Variants in DNAH14 observed in about 807,000 individuals in gnomAD.
The protein encoded by DNAH14 is dynein axonemal heavy chain 14, also known as axonemal beta dynein heavy chain 14.
A neutral mutation model predicts 520.9 loss-of-function variants in DNAH14; 478 were observed. That is an observed-to-expected ratio of 0.92 (90% CI 0.85 to 0.99). DNAH14 has a LOEUF of 0.99. Among genes scored for constraint, DNAH14 ranks in the 50% least tolerant of loss-of-function variants. The pLI is 0.00. For missense variants in DNAH14, 4,831 were observed against 5,234.5 expected, an observed-to-expected ratio of 0.92 and a Z score of 2.38; for synonymous variants, 1,581 against 1,757.2, an observed-to-expected ratio of 0.90 and a Z score of 2.51.
intron 23 of DNAH14, among the ~76,000 whole-genome samples, chr1:225,105,170 T>C (rs1355271154): frequency 6.6e-6 from 1 of 152,246 alleles, no homozygotes; most frequent in Non-Finnish European, 1.5e-5. Context: ...GAGCAGGTTG[T>C]TCCTTTTCCA....
At chr1:224,967,791 T>G in intron 6 of DNAH14, 1 of 1,424,682 alleles carries the variant, frequency 7.0e-7, no homozygotes, top group Non-Finnish European at 9.2e-7. Context: ...AAGATTCAAC[T>G]TTAATAAATT....
At chr1:225,273,418 G>A (rs753523263) in intron 52 of DNAH14, among the ~76,000 whole-genome samples, 7 of 152,252 alleles carry the variant, frequency 4.6e-5, no homozygotes, top group African/African-American at 9.6e-5. Flanking sequence ...CAGCCTGGGC[G>A]ACAGAGCGAG....
chr1:224,975,829 T>C (rs1414869906), intron 8 of DNAH14, among the ~76,000 whole-genome samples: 1 of 151,860 alleles, frequency 6.6e-6, no homozygotes, highest in Non-Finnish European at 1.5e-5. Flanking sequence ...AGGGTGTCAA[T>C]TTTGGATCTT....
chr1:225,008,305 T>G (rs1256133372), intron 10 of DNAH14, among the ~76,000 whole-genome samples: 1 of 152,216 alleles, frequency 6.6e-6, no homozygotes, highest in Non-Finnish European at 1.5e-5. Flanking sequence ...GTGCCACATT[T>G]TCTTTATCCA....
chr1:225,346,694 T>C, intron 71 of DNAH14, 40 bp downstream of exon 71: 1 of 1,459,888 alleles, frequency 6.8e-7, no homozygotes, highest in East Asian at 2.5e-5. Context: ...TAAAAGTCCA[T>C]TAAAAGTGTG....
intron 55 of DNAH14, among the ~76,000 whole-genome samples, chr1:225,290,631 A>G (rs1368042351): frequency 2.8e-5 from 2 of 71,704 alleles, no homozygotes; most frequent in African/African-American, 6.9e-5. Flanking sequence ...GTATAGATAT[A>G]TGTGTGTGTG....
intron 8 of DNAH14, among the ~76,000 whole-genome samples, chr1:224,976,058 A>G (rs912683111): frequency 5.3e-5 from 8 of 151,632 alleles, no homozygotes; most frequent in African/African-American, 1.9e-4. Context: ...CTTAATCCTG[A>G]GTTCTAGTTT....
chr1:225,183,691 A>T (rs1010252838), intron 36 of DNAH14, among the ~76,000 whole-genome samples: 12 of 152,000 alleles, frequency 7.9e-5, no homozygotes, highest in African/African-American at 2.7e-4. Flanking sequence ...TAACAAAAAA[A>T]AAAAAAAGGA....
At chr1:225,369,153 A>C (rs959806796) in intron 77 of DNAH14, among the ~76,000 whole-genome samples, 3 of 152,138 alleles carry the variant, frequency 2.0e-5, no homozygotes, top group African/African-American at 4.8e-5. Context: ...AAAGAAAATA[A>C]ATAACAATTT....
At chr1:225,341,878 C>T (rs1388045775) in intron 69 of DNAH14, among the ~76,000 whole-genome samples, 3 of 152,178 alleles carry the variant, frequency 2.0e-5, no homozygotes, top group Non-Finnish European at 4.4e-5. Context: ...ACTTGTGACT[C>T]ACTGGAACTT....
At chr1:224,980,086 T>TC (rs2062154436) in intron 8 of DNAH14, among the ~76,000 whole-genome samples, 2 of 152,150 alleles carry the variant, frequency 1.3e-5, no homozygotes. Context: ...ATAGTGAGAC[T>TC]CCTTCTGCTT....
At chr1:225,151,882 G>T in intron 31 of DNAH14, 123 bp from the exon 32 acceptor site, 1 of 846,758 alleles carries the variant, frequency 1.2e-6, no homozygotes. Context: ...GTTTTTTCCA[G>T]TGTGCTCTGT....
intron 1 of DNAH14, among the ~76,000 whole-genome samples, chr1:224,945,363 T>C (rs2059731223): frequency 6.6e-6 from 1 of 152,232 alleles, no homozygotes; most frequent in East Asian, 1.9e-4. Flanking sequence ...TAAGGACTTC[T>C]CTGCATTGGT....
At chr1:224,974,659 A>T (rs1364951618) in intron 8 of DNAH14, among the ~76,000 whole-genome samples, 11 of 152,172 alleles carry the variant, frequency 7.2e-5, no homozygotes, top group Non-Finnish European at 1.5e-4. Flanking sequence ...TATAATCAAG[A>T]TATAGAACAC....
intron 41 of DNAH14, among the ~76,000 whole-genome samples, chr1:225,225,510 A>G (rs1334676109): frequency 6.6e-6 from 1 of 152,150 alleles, no homozygotes; most frequent in African/African-American, 2.4e-5. Context: ...GGCATCCCAT[A>G]TAGTACCCAA....
rs191449206 is a variant in DNAH14, at chr1:225,182,576, A to G, written c.5536-2715A>G. On this transcript the variant is annotated intron_variant, in intron 36 of 85. Transcript: ENST00000682510. ...ATAACAGAAAAGACACATTGAAAAA[A>G]GTAGAAAGAACAGTCTCACACTGCC... Among the ~76,000 whole-genome samples the G allele has an allele frequency of 9.2e-5, 14 of 152,298 alleles. No individual in the cohort carries two copies. The East Asian group carries it at 2.1e-3, about 23-fold the overall frequency.
intron 17 of DNAH14, among the ~76,000 whole-genome samples, chr1:225,067,177 C>G (rs942462813): frequency 6.6e-6 from 1 of 152,148 alleles, no homozygotes; most frequent in Non-Finnish European, 1.5e-5. Flanking sequence ...TCCATGTGCT[C>G]TCATCATTTA....
chr1:225,206,270 A>G, intron 40 of DNAH14, 91 bp downstream of exon 40: 1 of 1,185,196 alleles, frequency 8.4e-7, no homozygotes. Flanking sequence ...TGTTTATTTT[A>G]TTTTTACCTT....
intron 72 of DNAH14, among the ~76,000 whole-genome samples, chr1:225,352,877 TTC>T (rs2095385836): frequency 1.3e-5 from 2 of 152,232 alleles, no homozygotes; most frequent in Admixed American, 1.3e-4. Context: ...TCCCACAGTT[TTC>T]TCTCTTTGAG....
Sources: gnomAD v4.1 joint callset for allele counts (sites outside exome capture counted in the v4.1 genomes callset) on GRCh38, gnomAD v4.1.1 for gene constraint, MANE v1.5 for transcripts, NCBI Gene and HGNC (gene_info 2026-07-23, HGNC 2026-07-21) for gene names.